GPC5: variants seen among roughly 807,000 people sequenced by gnomAD.
GPC5 encodes glypican 5.
Under a neutral mutation model 53.9 loss-of-function variants are expected in GPC5, and 47 were observed. The observed-to-expected ratio is 0.87, with a 90% CI of 0.69 to 1.11. The LOEUF is 1.11. GPC5 is among the 50% of genes most tolerant of loss of function. The probability of loss-of-function intolerance (pLI) is 0.00; values close to 1 mark genes in which losing one functional copy is unlikely to be tolerated. For synonymous variants in GPC5, 286 were observed against 263.3 expected, an observed-to-expected ratio of 1.09 and a Z score of -0.84; for missense variants, 748 against 713.1, an observed-to-expected ratio of 1.05 and a Z score of -0.56.
At chr13:92,693,900 C>A (rs1887483740) in intron 7 of GPC5, among the ~76,000 whole-genome samples, 1 of 152,180 alleles carries the variant, frequency 6.6e-6, no homozygotes, top group African/African-American at 2.4e-5. Flanking sequence ...CCTTCCATCA[C>A]TGGTTCAGAG....
At chr13:91,579,792 C>CT (rs1452291183) in intron 2 of GPC5, among the ~76,000 whole-genome samples, 1 of 151,580 alleles carries the variant, frequency 6.6e-6, no homozygotes, top group Non-Finnish European at 1.5e-5. Context: ...CTACGCCCAG[C>CT]TTTTTTGTAT....
intron 7 of GPC5, among the ~76,000 whole-genome samples, chr13:92,457,907 G>T (rs140726948): frequency 7.2e-5 from 11 of 152,072 alleles, no homozygotes; most frequent in Admixed American, 3.3e-4. Context: ...ACTATTCCAC[G>T]CAGAACTGAC....
chr13:92,613,441 T>TGTG (rs1555295351), intron 7 of GPC5, among the ~76,000 whole-genome samples: 3 of 56,506 alleles, frequency 5.3e-5, no homozygotes, highest in African/African-American at 1.5e-4. Context: ...TATATATAAA[T>TGTG]ATATATATTT....
chr13:92,606,243 C>G lies in GPC5; in HGVS notation c.1562-260039C>G, dbSNP rs1473166040. Among the ~76,000 whole-genome samples, 27 of 152,192 alleles carry G rather than the reference C, an allele frequency of 1.8e-4. 1 individual carries two copies. Among genetic ancestry groups the G allele is most frequent in the African/African-American group, 6.3e-4 (26 of 41,512 alleles). On this transcript the variant is annotated intron_variant, in intron 7 of 7. Transcript: ENST00000377067. ...CTAATGCTACCCCTTTCCCTTCCCC[C>G]AACTCCACGACAGGCCCCGGTGTGT...
chr13:92,188,912 C>T (rs938149017), intron 7 of GPC5, among the ~76,000 whole-genome samples: 8 of 152,128 alleles, frequency 5.3e-5, no homozygotes, highest in Non-Finnish European at 1.0e-4. Context: ...AGTGAGGTCA[C>T]GAGGCAATCA....
At chr13:92,155,078 A>T (rs780108381) in intron 7 of GPC5, among the ~76,000 whole-genome samples, 12 of 152,166 alleles carry the variant, frequency 7.9e-5, no homozygotes, top group Middle Eastern at 3.2e-3. Context: ...GTAACTATAT[A>T]ATGCTCACTA....
At chr13:91,400,021 A>C (rs1469734398) in intron 1 of GPC5, among the ~76,000 whole-genome samples, 1 of 152,078 alleles carries the variant, frequency 6.6e-6, no homozygotes, top group Non-Finnish European at 1.5e-5. Context: ...CCACCGCACC[A>C]ATTTCCTTCT....
At chr13:92,030,317 A>G (rs1166632510) in intron 6 of GPC5, among the ~76,000 whole-genome samples, 1 of 151,468 alleles carries the variant, frequency 6.6e-6, no homozygotes, top group Non-Finnish European at 1.5e-5. Context: ...GTTCTCCACC[A>G]CCCTTTCCTG....
chr13:91,541,785 G>A lies in GPC5; in HGVS notation c.325+92863G>A, dbSNP rs117925023. ...ATATAACTTCTAGATTAATCATAAAGAGTAATATGTTAATACACTGAGAAC... is the reference window on the plus strand; with the variant it reads ...ATATAACTTCTAGATTAATCATAAAAAGTAATATGTTAATACACTGAGAAC... On this transcript the variant is annotated intron_variant, in intron 2 of 7. Coordinates refer to ENST00000377067, the MANE Select transcript of GPC5 (RefSeq NM_004466.6). Among the ~76,000 whole-genome samples, 1,178 of 151,784 alleles carry A rather than the reference G, an allele frequency of 7.8e-3. 5 individuals carry two copies. The highest frequency in any genetic ancestry group is 0.012 in the Non-Finnish European group (843 of 67,866).
chr13:92,714,891 C>A (rs1350564457), intron 7 of GPC5, among the ~76,000 whole-genome samples: 2 of 152,058 alleles, frequency 1.3e-5, no homozygotes, highest in African/African-American at 2.4e-5. Flanking sequence ...GGTGATGAAA[C>A]CCAGTCTCTA....
At chr13:92,812,360 T>A (rs1465664459) in intron 7 of GPC5, among the ~76,000 whole-genome samples, 3 of 151,952 alleles carry the variant, frequency 2.0e-5, no homozygotes, top group Admixed American at 2.0e-4. Flanking sequence ...AATTTTCTTT[T>A]TGTATTGTTC....
At chr13:92,415,887 G>A (rs1018591047) in intron 7 of GPC5, among the ~76,000 whole-genome samples, 1 of 152,120 alleles carries the variant, frequency 6.6e-6, no homozygotes, top group Non-Finnish European at 1.5e-5. Context: ...TGACATGAGG[G>A]TTTTTGGAGA....
At chr13:92,336,904 G>A (rs1020552704) in intron 7 of GPC5, among the ~76,000 whole-genome samples, 1 of 152,160 alleles carries the variant, frequency 6.6e-6, no homozygotes, top group Non-Finnish European at 1.5e-5. Context: ...GGCCTCAAGT[G>A]ATCTTCCAGC....
At chr13:92,680,452 A>G (rs1031914888) in intron 7 of GPC5, among the ~76,000 whole-genome samples, 2 of 152,206 alleles carry the variant, frequency 1.3e-5, no homozygotes, top group African/African-American at 4.8e-5. Flanking sequence ...TTTATTTATA[A>G]TCTTTCTCCT....
At chr13:92,035,767 AC>A (rs200938184) in intron 6 of GPC5, among the ~76,000 whole-genome samples, 1,555 of 143,418 alleles carry the variant, frequency 0.011, 36 homozygotes, top group African/African-American at 0.015. Context: ...AAAAAAAAAA[AC>A]AAAAAAAACA....
At chr13:91,576,513 C>T (rs1246767928) in intron 2 of GPC5, among the ~76,000 whole-genome samples, 3 of 152,102 alleles carry the variant, frequency 2.0e-5, no homozygotes, top group Non-Finnish European at 4.4e-5. Flanking sequence ...AGATTCCTAA[C>T]GGGTAACAGT....
intron 6 of GPC5, among the ~76,000 whole-genome samples, chr13:91,981,245 A>T (rs1337513628): frequency 6.6e-6 from 1 of 151,952 alleles, no homozygotes; most frequent in African/African-American, 2.4e-5. Context: ...TGATGTGTTG[A>T]TAAACTGGCT....
At chr13:91,905,283 CTCTT>C (rs1191508828) in intron 5 of GPC5, among the ~76,000 whole-genome samples, 1 of 151,720 alleles carries the variant, frequency 6.6e-6, no homozygotes. Flanking sequence ...GATGGTTACT[CTCTT>C]TCTCTCTCTA....
intron 7 of GPC5, among the ~76,000 whole-genome samples, chr13:92,661,315 C>T (rs928479194): frequency 6.6e-6 from 1 of 150,826 alleles, no homozygotes; most frequent in African/African-American, 2.4e-5. Context: ...TAAAAACTGA[C>T]ATGCTCAGTT....
Sources: allele counts gnomAD v4.1 joint callset (sites outside exome capture counted in the v4.1 genomes callset), GRCh38; gene constraint gnomAD v4.1.1; transcripts MANE v1.5; gene names NCBI Gene and HGNC (gene_info 2026-07-23, HGNC 2026-07-21).